CLCN4: variants seen among roughly 807,000 people sequenced by gnomAD.
CLCN4 encodes Cl-/H+ antiporter 4.
CLCN4 carries 1 observed loss-of-function variant against 41.7 expected under a neutral mutation model. The ratio of observed to expected loss-of-function variants is 0.02; its 90% confidence interval spans 0.01 to 0.11. CLCN4 has a LOEUF of 0.11. Ranked by LOEUF, CLCN4 falls within the 10% of genes least tolerant of loss-of-function variation. The pLI is 1.00. For missense variants in CLCN4, 287 were observed against 661.0 expected (o/e 0.43, Z 6.20); for synonymous variants, 277 against 285.8 (o/e 0.97, Z 0.31).
intron 2 of CLCN4, among the ~76,000 whole-genome samples, chrX:10,161,182 G>A (rs1308883978): frequency 2.1e-5 from 2 of 95,392 alleles, no homozygotes; most frequent in Non-Finnish European, 4.1e-5. Flanking sequence ...ATCTTTCCTG[G>A]CACCATGAAA....
Position 10,204,613 on chromosome X carries a change from C to CTTTTTTTTTTTTT in CLCN4, c.556-1721_556-1709dup, listed in dbSNP as rs61453535. The stretch of plus-strand genomic sequence containing the variant: ...CTATTCTCACCAGAAAGCTAGTAGT[C>CTTTTTTTTTTTTT]TTTTTTTTTTTTTTTTTTTTTTTTT... On this transcript the variant is annotated intron_variant, in intron 6 of 12. Transcript: ENST00000380833. 7.3e-4 allele frequency among the ~76,000 whole-genome samples: 20 copies of CTTTTTTTTTTTTT among 27,349 alleles called. 3 individuals are homozygous for CTTTTTTTTTTTTT. The highest frequency in any genetic ancestry group is 1.1e-3 in the Admixed American group (2 of 1,834). The allele number at this position is 27,349 out of a possible 115,157, so 23.7% of individuals were successfully genotyped here.
intron 6 of CLCN4, among the ~76,000 whole-genome samples, chrX:10,201,592 T>G (rs1464008147): frequency 8.9e-6 from 1 of 112,556 alleles, no homozygotes; most frequent in Non-Finnish European, 1.9e-5. Context: ...GAAGCTGTTC[T>G]TCATTCATTC....
rs1430215847 is a variant in CLCN4, at chrX:10,234,917, C to T, written c.*1333C>T. The T allele has an allele frequency of 8.9e-6, 1 of 112,470 alleles. No individual in the cohort carries two copies. The highest frequency in any genetic ancestry group is 3.2e-5 in the African/African-American group (1 of 30,940). The allele number at this position is 112,470 out of a possible 1,213,427, so 9.3% of individuals were successfully genotyped here. On this transcript the variant is annotated 3_prime_UTR_variant, in exon 13 of 13. Coordinates refer to ENST00000380833, the MANE Select transcript of CLCN4 (RefSeq NM_001830.4). ...GATCTGTGTAAGTAAGATTATCCCACTTGCCCTTTCTCTTTAGTCTTTGTC... is the reference window on the plus strand; with the variant it reads ...GATCTGTGTAAGTAAGATTATCCCATTTGCCCTTTCTCTTTAGTCTTTGTC...
At chrX:10,158,155 A>C (rs1010472142) in intron 1 of CLCN4, 134 bp from the exon 2 acceptor site, 1 of 238,352 alleles carries the variant, frequency 4.2e-6, no homozygotes, top group African/African-American at 2.8e-5. Flanking sequence ...TTTTAAAATA[A>C]AACATGAAAT....
intron 12 of CLCN4, among the ~76,000 whole-genome samples, chrX:10,230,739 A>G (rs1161568102): frequency 8.9e-6 from 1 of 112,221 alleles, no homozygotes; most frequent in Non-Finnish European, 1.9e-5. Context: ...TGAGCAAAAT[A>G]TGCAGAGTTC....
At chrX:10,192,272 C>T (rs1021081289) in intron 4 of CLCN4, among the ~76,000 whole-genome samples, 14 of 109,163 alleles carry the variant, frequency 1.3e-4, no homozygotes, top group African/African-American at 4.8e-4. Flanking sequence ...CACACACACA[C>T]GGAGAAAAAG....
intron 2 of CLCN4, among the ~76,000 whole-genome samples, chrX:10,169,738 A>G (rs976667425): frequency 2.4e-4 from 26 of 107,708 alleles, no homozygotes; most frequent in African/African-American, 8.5e-4. Flanking sequence ...TTCTCTGTAC[A>G]TGTACAGATA....
Position 10,220,729 on chromosome X carries a change from G to A in CLCN4, c.2044G>A (p.Glu682Lys). The A allele has an allele frequency of 2.5e-6, 3 of 1,211,581 alleles. No individual in the cohort carries two copies. Among genetic ancestry groups the A allele is most frequent in the Non-Finnish European group, 3.4e-6 (3 of 895,421 alleles). ...CATGTACTTCACGGAGGAACCCCCC[G>A]AGCTGCCGGCCAACAGCCCACATCC... ...SIMYFTEEPP[E>K]LPANSPHPLK... Residue 682 changes from glutamate (E) to lysine (K), a missense_variant, in exon 12 of 13, where the codon GAG (glutamate) becomes AAG (lysine). By Grantham distance (56) the Glu-to-Lys change is moderately conservative. Coordinates refer to ENST00000380833, the MANE Select transcript of CLCN4 (RefSeq NM_001830.4).
intron 3 of CLCN4, among the ~76,000 whole-genome samples, chrX:10,187,079 T>G (rs987825458): frequency 8.9e-6 from 1 of 112,047 alleles, no homozygotes; most frequent in Non-Finnish European, 1.9e-5. Flanking sequence ...TTCGTGCTGC[T>G]AAAATTTAAC....
chrX:10,215,862 G>T (rs987240466), intron 11 of CLCN4, among the ~76,000 whole-genome samples: 5 of 111,904 alleles, frequency 4.5e-5, no homozygotes, highest in African/African-American at 1.6e-4. Context: ...GGCACCACAC[G>T]GTGTAAATAC....
At chrX:10,163,295 C>G (rs960615210) in intron 2 of CLCN4, among the ~76,000 whole-genome samples, 1 of 112,958 alleles carries the variant, frequency 8.9e-6, no homozygotes, top group Non-Finnish European at 1.9e-5. Flanking sequence ...CCCCCATACA[C>G]ACTTTCCCTT....
chrX:10,184,428 G>A lies in CLCN4; in HGVS notation c.-11-594G>A, dbSNP rs750451802. 5.4e-5 allele frequency among the ~76,000 whole-genome samples: 6 copies of A among 111,935 alleles called. No homozygotes were observed. In the South Asian group the frequency reaches 2.3e-3, roughly 42 times the overall value. ...GTGCCCGTTCCTTGCTGAGGTCTGA[G>A]AAGGCGATGCTCTGCCTTCCTGCTT... On this transcript the variant is annotated intron_variant, in intron 2 of 12. Coordinates refer to ENST00000380833, the MANE Select transcript of CLCN4 (RefSeq NM_001830.4).
At chrX:10,197,505 C>T (rs936189956) in intron 5 of CLCN4, among the ~76,000 whole-genome samples, 1 of 110,945 alleles carries the variant, frequency 9.0e-6, no homozygotes, top group Non-Finnish European at 1.9e-5. Context: ...ATTGGCAGTG[C>T]GGGTGCTTGC....
chrX:10,227,862 C>A (rs938553450), intron 12 of CLCN4, among the ~76,000 whole-genome samples: 3 of 112,446 alleles, frequency 2.7e-5, no homozygotes, highest in Admixed American at 9.4e-5. Context: ...GCTGAATCAT[C>A]TTGCATTGTG....
chrX:10,199,937 G>A (rs1320864932), intron 6 of CLCN4, among the ~76,000 whole-genome samples: 1 of 110,221 alleles, frequency 9.1e-6, no homozygotes, highest in Non-Finnish European at 1.9e-5. Flanking sequence ...TTTTTTTTTG[G>A]TTTTATTTTT....
In CLCN4 at chrX:10,187,497, G is replaced by T. The variant is rs1923843496; in HGVS notation, c.145-18G>T. The T allele has an allele frequency of 1.7e-6, 2 of 1,150,812 alleles. No homozygotes were observed. The highest frequency in any genetic ancestry group is 3.5e-5 in the African/African-American group (2 of 56,708). The allele number at this position is 1,150,812 out of a possible 1,213,427, so 94.8% of individuals were successfully genotyped here. On this transcript the variant is annotated intron_variant, in intron 3 of 12. Transcript: ENST00000380833. ...CGAAAATGCATTCGGATCAGTTGCTGTATCTGCTTTGTTCTAGATCACCAG... is the reference window on the plus strand; with the variant it reads ...CGAAAATGCATTCGGATCAGTTGCTTTATCTGCTTTGTTCTAGATCACCAG...
In CLCN4 at chrX:10,158,561, G is replaced by C. The variant is rs1452012641; in HGVS notation, c.-12+10G>C. ...CGATGCGGCACTGCAGGTAAGGGGC[G>C]CGCGGCGCCTGGATGCCCTCCCCGG... is the stretch of plus-strand genomic sequence containing the variant. On this transcript the variant is annotated intron_variant, in intron 2 of 12. Transcript: ENST00000380833. 3.1e-5 allele frequency: 9 copies of C among 292,955 alleles called. No homozygotes were observed. The highest frequency in any genetic ancestry group is 9.0e-4 in the Middle Eastern group (1 of 1,107). 24.1% of individuals were successfully genotyped at this position (292,955 alleles called of 1,213,427 possible).
At chrX:10,190,912 A>G (rs985482985) in intron 4 of CLCN4, among the ~76,000 whole-genome samples, 5 of 112,199 alleles carry the variant, frequency 4.5e-5, no homozygotes, top group African/African-American at 1.6e-4. Context: ...AAAAATTTCA[A>G]ACCTGTCTGA....
In CLCN4 at chrX:10,208,550, T is replaced by A. The variant is rs780109120; in HGVS notation, c.1349T>A (p.Ile450Asn). Residue 450 changes from isoleucine (I) to asparagine (N), a missense_variant, in exon 9 of 13, where the codon ATC (isoleucine) becomes AAC (asparagine). By Grantham distance (149) the Ile-to-Asn change is moderately radical. Coordinates refer to ENST00000380833, the MANE Select transcript of CLCN4 (RefSeq NM_001830.4). The part of the protein sequence containing the change: ...TAMWQLALAL[I>N]FKIVVTIFTF... ...ATGTGGCAGCTGGCCCTGGCACTGATCTTCAAAATCGTCGTTACCATATTT... is the reference window on the plus strand; with the variant it reads ...ATGTGGCAGCTGGCCCTGGCACTGAACTTCAAAATCGTCGTTACCATATTT... The A allele has an allele frequency of 8.3e-7, 1 of 1,209,886 alleles. No homozygotes were observed. The highest frequency in any genetic ancestry group is 1.1e-6 in the Non-Finnish European group (1 of 894,972).
Sources: allele counts gnomAD v4.1 joint callset (sites outside exome capture counted in the v4.1 genomes callset), GRCh38; gene constraint gnomAD v4.1.1; transcripts MANE v1.5; gene names NCBI Gene and HGNC (gene_info 2026-07-23, HGNC 2026-07-21).